The following ST3GAL3 variants were observed in gnomAD, a reference collection of about 807,000 sequenced individuals.
The protein encoded by ST3GAL3 is ST3 beta-galactoside alpha-2,3-sialyltransferase 3.
In ST3GAL3, 21 loss-of-function variants were observed where a neutral mutation model predicts 50.1. The ratio of observed to expected loss-of-function variants is 0.42; its 90% CI spans 0.30 to 0.60. ST3GAL3 has a LOEUF of 0.60. ST3GAL3 is among the 20% of genes least tolerant of loss of function. The pLI is 0.19. For synonymous variants in ST3GAL3, 183 were observed against 190.0 expected, an observed-to-expected ratio of 0.96 and a Z score of 0.30; for missense variants, 353 against 489.4, an observed-to-expected ratio of 0.72 and a Z score of 2.63.
At chr1:43,771,037 A>G (rs1694948586) in intron 2 of ST3GAL3, among the ~76,000 whole-genome samples, 1 of 152,166 alleles carries the variant, frequency 6.6e-6, no homozygotes. Context: ...TGCATGCCTT[A>G]CCTTCCTTAA....
chr1:43,815,212 C>G (rs1453911532), intron 4 of ST3GAL3, among the ~76,000 whole-genome samples: 1 of 152,206 alleles, frequency 6.6e-6, no homozygotes, highest in Non-Finnish European at 1.5e-5. Flanking sequence ...CTAGGAGTCT[C>G]CTGGAAAGGC....
At chr1:43,814,521 G>A (rs2061007089) in intron 3 of ST3GAL3, among the ~76,000 whole-genome samples, 1 of 152,204 alleles carries the variant, frequency 6.6e-6, no homozygotes, top group African/African-American at 2.4e-5. Flanking sequence ...TTCAGCAAAT[G>A]CTGTGTTTAG....
chr1:43,921,132 C>T (rs149233322), intron 11 of ST3GAL3, among the ~76,000 whole-genome samples: 7 of 152,102 alleles, frequency 4.6e-5, no homozygotes, highest in African/African-American at 9.7e-5. Context: ...AGGGACTCTC[C>T]GTGCCCTGGT....
At chr1:43,729,604 C>T (rs564262394) in intron 1 of ST3GAL3, among the ~76,000 whole-genome samples, 2 of 152,290 alleles carry the variant, frequency 1.3e-5, no homozygotes, top group South Asian at 4.1e-4. Context: ...CCCCTTTCAC[C>T]CCAGGCATGT....
At chr1:43,924,752 C>A (rs1029066387) in intron 11 of ST3GAL3, among the ~76,000 whole-genome samples, 21 of 152,182 alleles carry the variant, frequency 1.4e-4, no homozygotes, top group Admixed American at 2.6e-4. Flanking sequence ...GCAAGAAGTC[C>A]AGGCTGGAAG....
intron 5 of ST3GAL3, chr1:43,851,557 C>G (rs1456692953): frequency 6.4e-7 from 1 of 1,574,158 alleles, no homozygotes; most frequent in African/African-American, 1.3e-5. Context: ...GCCTCCAAAA[C>G]TGCCCAGCTG....
chr1:43,850,100 G>A (rs1277138740), intron 5 of ST3GAL3, among the ~76,000 whole-genome samples: 2 of 152,180 alleles, frequency 1.3e-5, no homozygotes, highest in Admixed American at 1.3e-4. Flanking sequence ...GTAATAACCT[G>A]TCCCAGAATT....
chr1:43,707,846 C>G (rs778240003), intron 1 of ST3GAL3, 153 bp downstream of exon 1: 2 of 152,180 alleles, frequency 1.3e-5, no homozygotes, highest in African/African-American at 4.8e-5. Context: ...GGTCGGGGCA[C>G]GGCCCAGTCG....
chr1:43,810,565 G>T (rs1167836056), intron 3 of ST3GAL3, among the ~76,000 whole-genome samples: 1 of 152,130 alleles, frequency 6.6e-6, no homozygotes, highest in African/African-American at 2.4e-5. Flanking sequence ...TTCGCAAGGG[G>T]ACTTTATTTG....
chr1:43,761,866 G>T (rs1204314078), intron 2 of ST3GAL3, among the ~76,000 whole-genome samples: 2 of 149,314 alleles, frequency 1.3e-5, no homozygotes, highest in Non-Finnish European at 3.0e-5. Flanking sequence ...CAGGAGAATA[G>T]CGTGAACCCA....
At chr1:43,864,876 C>T (rs2070906956) in intron 5 of ST3GAL3, among the ~76,000 whole-genome samples, 1 of 151,982 alleles carries the variant, frequency 6.6e-6, no homozygotes, top group Non-Finnish European at 1.5e-5. Context: ...GAGAAGAGCA[C>T]GCTTATGGGG....
intron 5 of ST3GAL3, among the ~76,000 whole-genome samples, chr1:43,848,652 G>A (rs1027453573): frequency 3.9e-5 from 6 of 152,078 alleles, no homozygotes; most frequent in Non-Finnish European, 8.8e-5. Context: ...TAACTCCTCA[G>A]ATCTGTAGGT....
intron 3 of ST3GAL3, 32 bp from the exon 4 acceptor site, chr1:43,814,859 C>T (rs774325131): frequency 6.8e-6 from 11 of 1,612,680 alleles, no homozygotes; most frequent in Non-Finnish European, 9.3e-6. Context: ...AGTGACTTGA[C>T]TTCAGTGACA....
intron 1 of ST3GAL3, among the ~76,000 whole-genome samples, chr1:43,724,874 T>TTAC (rs758048665): frequency 1.8e-4 from 28 of 152,156 alleles, no homozygotes; most frequent in Non-Finnish European, 1.2e-4. Context: ...GATGTGGCAC[T>TTAC]TACGAGGTCA....
chr1:43,908,148 T>C (rs1450899903), intron 9 of ST3GAL3, among the ~76,000 whole-genome samples: 2 of 152,214 alleles, frequency 1.3e-5, no homozygotes, highest in Non-Finnish European at 2.9e-5. Flanking sequence ...ATTCCACCAT[T>C]GCCTTTGCCT....
intron 5 of ST3GAL3, among the ~76,000 whole-genome samples, chr1:43,860,323 A>G (rs3011228): frequency 0.56 from 85,093 of 152,094 alleles, 27,736 homozygotes; most frequent in Non-Finnish European, 0.74. Flanking sequence ...ACCGTGACCC[A>G]CACTCAAGGC....
chr1:43,880,770 A>G (rs1432126875), intron 5 of ST3GAL3, among the ~76,000 whole-genome samples: 2 of 152,200 alleles, frequency 1.3e-5, no homozygotes, highest in Admixed American at 1.3e-4. Flanking sequence ...ACTTTCATGT[A>G]TTACCAGAAG....
intron 2 of ST3GAL3, among the ~76,000 whole-genome samples, chr1:43,744,145 A>G (rs1682416379): frequency 6.6e-6 from 1 of 152,214 alleles, no homozygotes; most frequent in Admixed American, 6.5e-5. Flanking sequence ...ATAAAACCAA[A>G]GACAGTTTTA....
intron 5 of ST3GAL3, among the ~76,000 whole-genome samples, chr1:43,875,361 T>A (rs2154251006): frequency 6.6e-6 from 1 of 151,448 alleles, no homozygotes; most frequent in Non-Finnish European, 1.5e-5. Context: ...AATTTAGGAG[T>A]AAATAGCTGA....
Sources: gnomAD v4.1 joint callset for allele counts (sites outside exome capture counted in the v4.1 genomes callset) on GRCh38, gnomAD v4.1.1 for gene constraint, MANE v1.5 for transcripts, NCBI Gene and HGNC (gene_info 2026-07-23, HGNC 2026-07-21) for gene names.